Variants in PDGFRL observed in about 807,000 individuals in gnomAD.
The protein encoded by PDGFRL is platelet-derived growth factor receptor-like protein.
PDGFRL carries 46 observed loss-of-function variants against 37.2 expected under a neutral mutation model. The ratio of observed to expected loss-of-function variants is 1.24; its 90% confidence interval spans 0.98 to 1.58. The LOEUF is 1.58. PDGFRL is among the 40% of genes most tolerant of loss of function. The probability of loss-of-function intolerance (pLI) is 0.00; values close to 1 mark genes in which losing one functional copy is unlikely to be tolerated. For missense variants in PDGFRL, 692 were observed against 467.6 expected (o/e 1.48, Z -4.43); for synonymous variants, 251 against 184.3 (o/e 1.36, Z -2.93).
intron 3 of PDGFRL, among the ~76,000 whole-genome samples, chr8:17,627,807 G>A (rs1342267358): frequency 6.6e-6 from 1 of 151,584 alleles, no homozygotes; most frequent in Non-Finnish European, 1.5e-5. Context: ...AGCAACTAGT[G>A]TGGTCACTTA....
intron 2 of PDGFRL, among the ~76,000 whole-genome samples, chr8:17,608,320 T>A (rs986914231): frequency 2.6e-5 from 4 of 152,202 alleles, no homozygotes; most frequent in Non-Finnish European, 5.9e-5. Context: ...CCCTTCCCTG[T>A]AACAGCACTG....
intron 5 of PDGFRL, among the ~76,000 whole-genome samples, chr8:17,638,738 CATATATATATATATAT>C (rs56085770): frequency 0.15 from 7,213 of 47,276 alleles, 466 homozygotes; most frequent in Middle Eastern, 0.21. Context: ...GCATTAGGTG[CATATATATATATATAT>C]ATATATATAT....
At chr8:17,623,227 C>CT (rs1158069284) in intron 3 of PDGFRL, among the ~76,000 whole-genome samples, 2 of 152,182 alleles carry the variant, frequency 1.3e-5, no homozygotes, top group Non-Finnish European at 2.9e-5. Context: ...TGCCTTGAAC[C>CT]TTTTGTAGGA....
chr8:17,614,933 C>G (rs928687636), intron 2 of PDGFRL, among the ~76,000 whole-genome samples: 2 of 152,172 alleles, frequency 1.3e-5, no homozygotes, highest in African/African-American at 4.8e-5. Context: ...CCTAACCTCT[C>G]CAGCCTGTTT....
intron 2 of PDGFRL, among the ~76,000 whole-genome samples, chr8:17,604,516 A>T (rs1804231356): frequency 6.6e-6 from 1 of 151,984 alleles, no homozygotes; most frequent in Non-Finnish European, 1.5e-5. Flanking sequence ...GTTCTCACTC[A>T]TAGGTAGGAA....
chr8:17,636,129 C>G (rs112390910), intron 5 of PDGFRL, among the ~76,000 whole-genome samples: 1 of 152,044 alleles, frequency 6.6e-6, no homozygotes, highest in Non-Finnish European at 1.5e-5. Context: ...TAATTAAGCC[C>G]GATCTATCTT....
chr8:17,642,516 G>C, intron 5 of PDGFRL, 97 bp from the exon 6 acceptor site: 1 of 734,954 alleles, frequency 1.4e-6, no homozygotes, highest in South Asian at 1.5e-5. Context: ...CATGTGCTTT[G>C]CTCTCTGAAA....
chr8:17,618,471 A>T (rs963878157), intron 2 of PDGFRL, among the ~76,000 whole-genome samples: 5 of 152,218 alleles, frequency 3.3e-5, no homozygotes, highest in African/African-American at 1.2e-4. Context: ...TTAAGATATA[A>T]TTGGGATAAC....
At chr8:17,585,954 G>GTT (rs5889722) in intron 1 of PDGFRL, among the ~76,000 whole-genome samples, 38 of 151,810 alleles carry the variant, frequency 2.5e-4, no homozygotes, top group Non-Finnish European at 4.9e-4. Context: ...GTTTTTGTCT[G>GTT]TTTTTTCTTT....
At position 17,605,525 on chromosome 8, in the gene PDGFRL, T is replaced by G. The variant is rs947698315; in HGVS notation, c.354-15526T>G. Among the ~76,000 whole-genome samples, 5 of 152,090 alleles carry G rather than the reference T, an allele frequency of 3.3e-5. No homozygotes were observed. In the East Asian group the frequency reaches 7.7e-4, roughly 23 times the overall value. ...ATCTCATCATAACACACTTCCAGGG[T>G]GTAAAGCCAGAGAATTCTTGGCACC... On this transcript the variant is annotated intron_variant, in intron 2 of 5. Transcript: ENST00000251630.
At chr8:17,595,414 G>C (rs1585306048) in intron 2 of PDGFRL, among the ~76,000 whole-genome samples, 1 of 152,198 alleles carries the variant, frequency 6.6e-6, no homozygotes, top group African/African-American at 2.4e-5. Flanking sequence ...TTCTCGGGTA[G>C]GGGCCATGCC....
At chr8:17,625,579 C>G (rs1328852558) in intron 3 of PDGFRL, among the ~76,000 whole-genome samples, 1 of 152,106 alleles carries the variant, frequency 6.6e-6, no homozygotes, top group African/African-American at 2.4e-5. Flanking sequence ...AAACAAACTT[C>G]AACACTTTGT....
chr8:17,630,127 G>A (rs938735325), intron 4 of PDGFRL, among the ~76,000 whole-genome samples: 5 of 152,086 alleles, frequency 3.3e-5, no homozygotes, highest in South Asian at 4.1e-4. Context: ...CCCATCTCTC[G>A]TCTACCCTGC....
chr8:17,639,478 C>T (rs775921194), intron 5 of PDGFRL, among the ~76,000 whole-genome samples: 28 of 152,036 alleles, frequency 1.8e-4, no homozygotes, highest in African/African-American at 5.1e-4. Flanking sequence ...TTTGTAGTGG[C>T]GAATTTTCTC....
chr8:17,631,833 A>G (rs1441058013), intron 4 of PDGFRL, among the ~76,000 whole-genome samples: 6 of 151,962 alleles, frequency 3.9e-5, no homozygotes, highest in Non-Finnish European at 8.8e-5. Context: ...GTCAGCTCTT[A>G]GCCTTCTATC....
In PDGFRL at chr8:17,628,591, A is replaced by G; in HGVS notation, c.610A>G (p.Lys204Glu). 1 of 1,614,192 alleles carries G rather than the reference A, an allele frequency of 6.2e-7. No individual in the cohort carries two copies. Among genetic ancestry groups the G allele is most frequent in the Non-Finnish European group, 8.5e-7 (1 of 1,180,016 alleles). The change falls in exon 4 of 6, where the codon AAA becomes GAA. Residue 204 changes from lysine to glutamate, a missense_variant. Coordinates refer to ENST00000251630, the MANE Select transcript of PDGFRL (RefSeq NM_001372073.1). ...TTGTCGGGTGACCGTGCTGTCGGCC[A>G]AAGTCACGCTCCACAGGGAATTCCC... The part of the protein sequence containing the change: ...VPCRVTVLSA[K>E]VTLHREFPAK...
chr8:17,578,022 C>T lies in PDGFRL; in HGVS notation c.55+715C>T, dbSNP rs1345679429. The stretch of plus-strand genomic sequence containing the variant: ...CTGGGTCCACCCTGTCGTGTACACC[C>T]GTGACCACAGGGTCTGGTGTTATTT... On this transcript the variant is annotated intron_variant, in intron 1 of 5. Transcript: ENST00000251630. 4.0e-5 allele frequency among the ~76,000 whole-genome samples: 6 copies of T among 151,392 alleles called. No individual in the cohort carries two copies. In the East Asian group the frequency reaches 1.2e-3, roughly 30 times the overall value.
At position 17,642,968 on chromosome 8, in the gene PDGFRL, C is replaced by G. The variant is rs1421178167; in HGVS notation, c.*167C>G. On this transcript the variant is annotated 3_prime_UTR_variant, in exon 6 of 6. Coordinates refer to ENST00000251630, the MANE Select transcript of PDGFRL (RefSeq NM_001372073.1). ...ACATCCAAACTAAAAGGAAGTCATCCAGTCTATTCACAGAAGTGTTAACTT... is the reference window on the plus strand; with the variant it reads ...ACATCCAAACTAAAAGGAAGTCATCGAGTCTATTCACAGAAGTGTTAACTT... 1 of 573,728 alleles carries G rather than the reference C, an allele frequency of 1.7e-6. No individual in the cohort carries two copies. Among genetic ancestry groups the G allele is most frequent in the Non-Finnish European group, 3.1e-6 (1 of 326,986 alleles). The allele number at this position is 573,728 out of a possible 1,614,324, so 35.5% of individuals were successfully genotyped here.
chr8:17,610,208 G>A (rs1046905205), intron 2 of PDGFRL, among the ~76,000 whole-genome samples: 90 of 152,194 alleles, frequency 5.9e-4, no homozygotes, highest in African/African-American at 1.7e-3. Flanking sequence ...GTATGTGGCT[G>A]TGAGCGTTCA....
Sources: gnomAD v4.1 joint callset for allele counts (sites outside exome capture counted in the v4.1 genomes callset) on GRCh38, gnomAD v4.1.1 for gene constraint, MANE v1.5 for transcripts, NCBI Gene and HGNC (gene_info 2026-07-23, HGNC 2026-07-21) for gene names.